WDR33: variants seen among roughly 807,000 people sequenced by gnomAD.
The protein encoded by WDR33 is WD repeat domain 33.
A neutral mutation model predicts 164.9 loss-of-function variants in WDR33; 47 were observed. The ratio of observed to expected loss-of-function variants is 0.29; its 90% CI spans 0.23 to 0.36. The LOEUF is 0.36. WDR33 is among the 10% of genes least tolerant of loss of function. WDR33 has a pLI of 1.00. For synonymous variants in WDR33, 505 were observed against 589.0 expected (o/e 0.86, Z 2.06); for missense variants, 1,137 against 1,754.1 (o/e 0.65, Z 6.28).
chr2:127,752,096 C>T (rs1183406767), intron 7 of WDR33, among the ~76,000 whole-genome samples: 1 of 152,164 alleles, frequency 6.6e-6, no homozygotes, highest in Non-Finnish European at 1.5e-5. Context: ...AGTACATTTG[C>T]CCCAAGATTC....
intron 7 of WDR33, among the ~76,000 whole-genome samples, chr2:127,757,765 A>G (rs1019499353): frequency 1.1e-4 from 16 of 152,210 alleles, no homozygotes. Flanking sequence ...CTTTAATAAT[A>G]AAGTTATTTC....
chr2:127,720,127 C>T lies in WDR33; in HGVS notation c.1898G>A (p.Gly633Glu). 5 of 1,614,112 alleles carry T rather than the reference C, an allele frequency of 3.1e-6. No homozygotes were observed. The highest frequency in any genetic ancestry group is 4.2e-6 in the Non-Finnish European group (5 of 1,179,998). The change falls in exon 16 of 22, where the codon GGA becomes GAA. Residue 633 changes from glycine (G) to glutamate (E), a missense_variant. Gly to Glu is a moderately conservative substitution (Grantham distance 98). Coordinates refer to ENST00000322313, the MANE Select transcript of WDR33 (RefSeq NM_018383.5). The surrounding 1 kb of genome is among the most constrained non-coding windows in gnomAD (Gnocchi z 5.9). ...TGGAGGACCTTGTGGTCCCATTTGT[C>T]CCTGGGGTCCAGGAGGCCTAAACTG... ...QGQFRPPGPQ[G>E]QMGPQGPPLH...
intron 1 of WDR33, among the ~76,000 whole-genome samples, chr2:127,810,435 C>A (rs991483210): frequency 3.3e-5 from 5 of 152,208 alleles, no homozygotes; most frequent in African/African-American, 1.2e-4. Flanking sequence ...CTAAGATCCT[C>A]ACTACTTAGT....
In WDR33 at chr2:127,712,122, G is replaced by A. The variant is rs368057655; in HGVS notation, c.3308+1461C>T. Among the ~76,000 whole-genome samples the A allele has an allele frequency of 1.4e-4, 22 of 152,162 alleles. No homozygotes were observed. In the East Asian group the frequency reaches 2.9e-3, roughly 20 times the overall value. On this transcript the variant is annotated intron_variant, in intron 18 of 21. Transcript: ENST00000322313. This position sits in a 1 kb window ranked among gnomAD's most constrained non-coding sequence, Gnocchi z 4.0. ...AAGAAATGGAATGAAAGGACCAGGC[G>A]CAGTGGCTCACGCCTATAATCCCTG...
rs1432565448 is a variant in WDR33 at position 127,703,224 on chromosome 2, G to C, written c.*3099C>G. 6.0e-6 allele frequency: 1 copy of C among 166,996 alleles called. No homozygotes were observed. The highest frequency in any genetic ancestry group is 6.5e-5 in the Admixed American group (1 of 15,276). The allele number at this position is 166,996 out of a possible 1,614,324, so 10.3% of individuals were successfully genotyped here. On this transcript the variant is annotated 3_prime_UTR_variant, in exon 22 of 22. Transcript: ENST00000322313. ...GTGCCAGTGGTCCTCGCGCTTGACT[G>C]CACATCAGTTACTTGAAGAGCCACA...
At chr2:127,773,846 C>A (rs926571219) in intron 1 of WDR33, among the ~76,000 whole-genome samples, 3 of 152,140 alleles carry the variant, frequency 2.0e-5, no homozygotes, top group African/African-American at 7.2e-5. Context: ...TCACTGCAAT[C>A]TCTGCCTCCC....
intron 1 of WDR33, among the ~76,000 whole-genome samples, chr2:127,777,682 G>C (rs1451104772): frequency 1.3e-5 from 2 of 152,162 alleles, no homozygotes; most frequent in Admixed American, 6.5e-5. Context: ...ATGGAATACA[G>C]TGGCACTACC....
At position 127,720,613 on chromosome 2, in the gene WDR33, GGAAT is replaced by G. The variant is rs2105381434; in HGVS notation, c.1672-264_1672-261del. On this transcript the variant is annotated intron_variant, in intron 15 of 21. Transcript: ENST00000322313. The surrounding 1 kb of genome is among the most constrained non-coding windows in gnomAD (Gnocchi z 5.9). Reference sequence around the variant, plus strand: ...ATTTTTTTTTTCTGTCCCCCAAGCTGGAATGCAGTGGTACGATCGTGGTTCACTA... The same window carrying G: ...ATTTTTTTTTTCTGTCCCCCAAGCTGGCAGTGGTACGATCGTGGTTCACTA... Among the ~76,000 whole-genome samples, 1 of 151,926 alleles carries G rather than the reference GGAAT, an allele frequency of 6.6e-6. No homozygotes were observed. Among genetic ancestry groups the G allele is most frequent in the South Asian group, 2.1e-4 (1 of 4,808 alleles).
At chr2:127,805,583 CAG>C (rs1689407979) in intron 1 of WDR33, among the ~76,000 whole-genome samples, 2 of 151,762 alleles carry the variant, frequency 1.3e-5, no homozygotes, top group African/African-American at 4.9e-5. Flanking sequence ...TTTGTGGTGA[CAG>C]AGTCAGGAAG....
rs562760192 is a variant in WDR33, at chr2:127,809,587, C to G, written c.-24+1425G>C. Reference sequence around the variant, plus strand: ...AGTAGCTGGGATTACAGGCGCCCACCACCACACCCAGCTAATTTTTGTATT... The same window carrying G: ...AGTAGCTGGGATTACAGGCGCCCACGACCACACCCAGCTAATTTTTGTATT... On this transcript the variant is annotated intron_variant, in intron 1 of 21. Transcript: ENST00000322313. Among the ~76,000 whole-genome samples, 4 of 152,124 alleles carry G rather than the reference C, an allele frequency of 2.6e-5. No homozygotes were observed. In the East Asian group the frequency reaches 5.8e-4, roughly 22 times the overall value.
At chr2:127,791,171 C>A (rs1457042653) in intron 1 of WDR33, among the ~76,000 whole-genome samples, 2 of 114,256 alleles carry the variant, frequency 1.8e-5, no homozygotes, top group African/African-American at 3.2e-5. Context: ...CCCACCCCCC[C>A]CCCCAGCAAC....
At chr2:127,749,082 A>C (rs542611573) in intron 7 of WDR33, among the ~76,000 whole-genome samples, 3 of 152,322 alleles carry the variant, frequency 2.0e-5, no homozygotes, top group African/African-American at 7.2e-5. Context: ...TCACGCCTGT[A>C]ATCCAGTACT....
chr2:127,781,736 T>C (rs779296431), intron 1 of WDR33, among the ~76,000 whole-genome samples: 15 of 151,752 alleles, frequency 9.9e-5, no homozygotes, highest in Non-Finnish European at 2.1e-4. Context: ...CAGTGGCTCA[T>C]GCCTATAATC....
At chr2:127,711,794 A>T (rs1686186272) in intron 18 of WDR33, among the ~76,000 whole-genome samples, 2 of 63,348 alleles carry the variant, frequency 3.2e-5, no homozygotes, top group Non-Finnish European at 5.6e-5. Context: ...TTTTTTTGAG[A>T]CAGAGTCTCG....
At chr2:127,796,458 A>G (rs1332854660) in intron 1 of WDR33, among the ~76,000 whole-genome samples, 1 of 151,958 alleles carries the variant, frequency 6.6e-6, no homozygotes, top group Non-Finnish European at 1.5e-5. Context: ...CACGCCTATA[A>G]TCCCAGCACT....
intron 1 of WDR33, among the ~76,000 whole-genome samples, chr2:127,777,701 C>G (rs1688230871): frequency 6.6e-6 from 1 of 152,198 alleles, no homozygotes; most frequent in African/African-American, 2.4e-5. Context: ...CCACAGCTCA[C>G]TGCAGCTCAA....
At chr2:127,797,799 C>G (rs1689091334) in intron 1 of WDR33, among the ~76,000 whole-genome samples, 2 of 151,980 alleles carry the variant, frequency 1.3e-5, no homozygotes, top group African/African-American at 2.4e-5. Context: ...ATCACCCGAG[C>G]TCAGAAGTTC....
At chr2:127,767,588 G>T (rs187794686) in intron 4 of WDR33, among the ~76,000 whole-genome samples, 2 of 151,946 alleles carry the variant, frequency 1.3e-5, no homozygotes, top group Admixed American at 1.3e-4. Flanking sequence ...GGTGGCAGGC[G>T]CCTGTAGTCC....
At chr2:127,781,381 C>A (rs991387533) in intron 1 of WDR33, among the ~76,000 whole-genome samples, 3 of 152,150 alleles carry the variant, frequency 2.0e-5, no homozygotes, top group African/African-American at 7.2e-5. Flanking sequence ...CTGTTAATAT[C>A]TTGATTATGG....
Sources: allele counts gnomAD v4.1 joint callset (sites outside exome capture counted in the v4.1 genomes callset), GRCh38; gene constraint gnomAD v4.1.1; non-coding constraint Gnocchi (gnomAD v3.1); transcripts MANE v1.5; gene names NCBI Gene and HGNC (gene_info 2026-07-23, HGNC 2026-07-21).